Variants in CAVIN3 observed in about 807,000 individuals in gnomAD.
CAVIN3 encodes caveolae-associated protein 3.
Under a neutral mutation model 8.2 loss-of-function variants are expected in CAVIN3, and 11 were observed. The observed-to-expected ratio is 1.35, with a 90% confidence interval of 0.85 to 2.23. The LOEUF (loss-of-function observed/expected upper bound fraction) is 2.23, where lower values mean the gene tolerates loss of function less well. Among genes scored for constraint, CAVIN3 ranks in the 30% most tolerant of loss-of-function variants. The pLI is 0.00. For missense variants in CAVIN3, 401 were observed against 359.5 expected, an observed-to-expected ratio of 1.12 and a Z score of -0.93; for synonymous variants, 191 against 166.3, an observed-to-expected ratio of 1.15 and a Z score of -1.14.
chr11:6,319,978 C>G, intron 1 of CAVIN3, 115 bp downstream of exon 1: 1 of 1,156,492 alleles, frequency 8.6e-7, no homozygotes, highest in South Asian at 1.6e-5. Flanking sequence ...CAGCAACAGA[C>G]GGCGGGAGGG....
Position 6,320,136 on chromosome 11 carries a change from C to T in CAVIN3, c.341G>A (p.Gly114Glu). 1 of 1,589,016 alleles carries T rather than the reference C, an allele frequency of 6.3e-7. No individual in the cohort carries two copies. The highest frequency in any genetic ancestry group is 8.5e-7 in the Non-Finnish European group (1 of 1,175,906). The stretch of plus-strand genomic sequence containing the variant: ...GAGCTTCCCGCGCGCCACCAGCAGC[C>T]CGTGGTTGGCCTCCAGCCGCTGCAC... ...AQVQRLEANH[G>E]LLVARGKLHV... is the part of the protein sequence containing the mutation. The change falls in exon 1 of 2, where the codon GGG (glycine) becomes GAG (glutamate). Residue 114 changes from glycine to glutamate, a missense_variant. Physicochemically the swap from Gly to Glu is moderately conservative, Grantham distance 98 (BLOSUM62 -2). Coordinates refer to ENST00000303927, the MANE Select transcript of CAVIN3 (RefSeq NM_145040.3).
Position 6,320,357 on chromosome 11 carries a change from C to T in CAVIN3, c.120G>A (p.Arg40=), listed in dbSNP as rs1212644703. Residue 40 remains arginine, a synonymous_variant, in exon 1 of 2, where the codon CGG becomes CGA. Transcript: ENST00000303927. ...EKLASMLETL[R]ERQGGLARRQ... The stretch of plus-strand genomic sequence containing the variant: ...TTCGAGCCAGGCCTCCCTGCCGCTC[C>T]CGCAGAGTCTCCAGCATGGAGGCCA... The T allele has an allele frequency of 6.3e-6, 10 of 1,583,726 alleles. No individual in the cohort carries two copies. In the Admixed American group the frequency reaches 1.6e-4, roughly 25 times the overall value.
At position 6,320,206 on chromosome 11, in the gene CAVIN3, G is replaced by T; in HGVS notation, c.271C>A (p.His91Asn). 1 of 1,564,564 alleles carries T rather than the reference G, an allele frequency of 6.4e-7. No homozygotes were observed. Among genetic ancestry groups the T allele is most frequent in the Middle Eastern group, 1.7e-4 (1 of 5,872 alleles). The change falls in exon 1 of 2, where the codon CAC becomes AAC. Residue 91 changes from histidine to asparagine, a missense_variant. Coordinates refer to ENST00000303927, the MANE Select transcript of CAVIN3 (RefSeq NM_145040.3). Reference sequence around the variant, plus strand: ...GCGCGCTCTTGGGCGGCGTTGGCGTGCGAGCTCACGCGCTCCGCCTTGGCC... The same window carrying T: ...GCGCGCTCTTGGGCGGCGTTGGCGTTCGAGCTCACGCGCTCCGCCTTGGCC... The part of the protein sequence containing the change: ...LLAKAERVSS[H>N]ANAAQERAVR...
chr11:6,319,064 A>G lies in CAVIN3; in HGVS notation c.*99T>C. On this transcript the variant is annotated 3_prime_UTR_variant, in exon 2 of 2. Transcript: ENST00000303927. ...AGGGCCAGAGCGCCCGCCTTGGTGG[A>G]TGTAGGATTCGCTCCTTATTAGGGC... 7.7e-7 allele frequency: 1 copy of G among 1,293,986 alleles called. No individual in the cohort carries two copies. The highest frequency in any genetic ancestry group is 1.0e-6 in the Non-Finnish European group (1 of 956,180). The allele number at this position is 1,293,986 out of a possible 1,614,324, so 80.2% of individuals were successfully genotyped here.
At position 6,320,378 on chromosome 11, in the gene CAVIN3, G is replaced by A; in HGVS notation, c.99C>T (p.Ala33=). 6.3e-7 allele frequency: 1 copy of A among 1,586,462 alleles called. No individual in the cohort carries two copies. The highest frequency in any genetic ancestry group is 1.3e-5 in the African/African-American group (1 of 74,348). ...GCTCCCGCAGAGTCTCCAGCATGGAGGCCAGCTTCTCCAGCAGGGTCACCA... is the reference window on the plus strand; with the variant it reads ...GCTCCCGCAGAGTCTCCAGCATGGAAGCCAGCTTCTCCAGCAGGGTCACCA... ...VTVVTLLEKL[A]SMLETLRERQ... Residue 33 remains alanine, a synonymous_variant, in exon 1 of 2, where the codon GCC becomes GCT. Coordinates refer to ENST00000303927, the MANE Select transcript of CAVIN3 (RefSeq NM_145040.3).
At position 6,320,145 on chromosome 11, in the gene CAVIN3, G is replaced by A. The variant is rs1590696104; in HGVS notation, c.332C>T (p.Ala111Val). ...RRAAQVQRLE[A>V]NHGLLVARGK... is the part of the protein sequence containing the mutation. ...GCGCGCCACCAGCAGCCCGTGGTTGGCCTCCAGCCGCTGCACCTGGGCTGC... is the reference window on the plus strand; with the variant it reads ...GCGCGCCACCAGCAGCCCGTGGTTGACCTCCAGCCGCTGCACCTGGGCTGC... Residue 111 changes from alanine to valine, a missense_variant, in exon 1 of 2, where the codon GCC becomes GTC. Transcript: ENST00000303927. 6.3e-7 allele frequency: 1 copy of A among 1,585,784 alleles called. No individual in the cohort carries two copies. Among genetic ancestry groups the A allele is most frequent in the Non-Finnish European group, 8.5e-7 (1 of 1,174,552 alleles).
At position 6,319,579 on chromosome 11, in the gene CAVIN3, C is replaced by G; in HGVS notation, c.385-15G>C. The G allele has an allele frequency of 6.4e-7, 1 of 1,558,782 alleles. No individual in the cohort carries two copies. On this transcript the variant is annotated splice_polypyrimidine_tract_variant and intron_variant, in intron 1 of 1. Coordinates refer to ENST00000303927, the MANE Select transcript of CAVIN3 (RefSeq NM_145040.3). Reference sequence around the variant, plus strand: ...TCACCCTCCTCCTGCATGTGACGGACACAGCACTGATCCTGGCAGCTCCTT... The same window carrying G: ...TCACCCTCCTCCTGCATGTGACGGAGACAGCACTGATCCTGGCAGCTCCTT...
At chr11:6,319,673 T>TG (rs1846787265) in intron 1 of CAVIN3, 109 bp from the exon 2 acceptor site, 4 of 1,373,684 alleles carry the variant, frequency 2.9e-6, no homozygotes, top group Non-Finnish European at 3.0e-6. Flanking sequence ...AGCCAGAGTC[T>TG]GGGGGGAAAG....
At position 6,319,491 on chromosome 11, in the gene CAVIN3, AGCTCGG is replaced by A; in HGVS notation, c.452_457del (p.Ser151_Glu152del). Reference sequence around the variant, plus strand: ...TTCGGCCTCCAGCTGCTCTGGGCCCAGCTCGGACTGGTCCGCCGGGCCCAAGGGCTC... The same window carrying A: ...TTCGGCCTCCAGCTGCTCTGGGCCCAACTGGTCCGCCGGGCCCAAGGGCTC... On this transcript the variant is annotated inframe_deletion, in exon 2 of 2. Transcript: ENST00000303927. 6.2e-7 allele frequency: 1 copy of A among 1,603,462 alleles called. No individual in the cohort carries two copies. The highest frequency in any genetic ancestry group is 8.5e-7 in the Non-Finnish European group (1 of 1,177,830).
intron 1 of CAVIN3, 38 bp downstream of exon 1, chr11:6,320,055 C>T (rs1050495243): frequency 6.5e-7 from 1 of 1,540,370 alleles, no homozygotes; most frequent in Middle Eastern, 1.7e-4. Flanking sequence ...CACAGGCCGG[C>T]AAAGGCCTCG....
chr11:6,319,057 T>G lies in CAVIN3; in HGVS notation c.*106A>C, dbSNP rs552723925. Reference sequence around the variant, plus strand: ...GGAAGGGAGGGCCAGAGCGCCCGCCTTGGTGGATGTAGGATTCGCTCCTTA... The same window carrying G: ...GGAAGGGAGGGCCAGAGCGCCCGCCGTGGTGGATGTAGGATTCGCTCCTTA... On this transcript the variant is annotated 3_prime_UTR_variant, in exon 2 of 2. Transcript: ENST00000303927. 67 of 1,236,232 alleles carry G rather than the reference T, an allele frequency of 5.4e-5. No homozygotes were observed. The African/African-American group carries it at 9.3e-4, about 17-fold the overall frequency. The allele number at this position is 1,236,232 out of a possible 1,614,324, so 76.6% of individuals were successfully genotyped here. A position where few individuals can be genotyped will look rare whatever the true frequency, so the allele number is the denominator to read the frequency against.
At chr11:6,319,668 G>A in intron 1 of CAVIN3, 104 bp from the exon 2 acceptor site, 3 of 1,371,402 alleles carry the variant, frequency 2.2e-6, no homozygotes, top group Non-Finnish European at 3.0e-6. Flanking sequence ...TCCGCAGCCA[G>A]AGTCTGGGGG....
chr11:6,319,675 G>T (rs954129971), intron 1 of CAVIN3, 111 bp from the exon 2 acceptor site: 1 of 1,348,092 alleles, frequency 7.4e-7, no homozygotes, highest in Admixed American at 2.0e-5. Flanking sequence ...CCAGAGTCTG[G>T]GGGGAAAGGC....
In CAVIN3 at chr11:6,319,579, C is replaced by T; in HGVS notation, c.385-15G>A. ...TCACCCTCCTCCTGCATGTGACGGA[C>T]ACAGCACTGATCCTGGCAGCTCCTT... On this transcript the variant is annotated splice_polypyrimidine_tract_variant and intron_variant, in intron 1 of 1. Transcript: ENST00000303927. 6.4e-7 allele frequency: 1 copy of T among 1,558,782 alleles called. No homozygotes were observed. Among genetic ancestry groups the T allele is most frequent in the South Asian group, 1.2e-5 (1 of 86,206 alleles).
chr11:6,320,477 G>T lies in CAVIN3; in HGVS notation c.-1C>A. 1 of 1,513,546 alleles carries T rather than the reference G, an allele frequency of 6.6e-7. No individual in the cohort carries two copies. The highest frequency in any genetic ancestry group is 1.4e-5 in the African/African-American group (1 of 70,592). The allele number at this position is 1,513,546 out of a possible 1,614,324, so 93.8% of individuals were successfully genotyped here. On this transcript the variant is annotated 5_prime_UTR_variant, in exon 1 of 2. Coordinates refer to ENST00000303927, the MANE Select transcript of CAVIN3 (RefSeq NM_145040.3). ...CCCGCTCCAACGCACTCTCCCTCAT[G>T]ATCCCTGACCGCTCTGCTCCGTCTG... is the stretch of plus-strand genomic sequence containing the variant.
chr11:6,320,037 TG>T, intron 1 of CAVIN3, 55 bp downstream of exon 1: 1 of 1,511,638 alleles, frequency 6.6e-7, no homozygotes, highest in Non-Finnish European at 8.8e-7. Context: ...AGCCCCCAGC[TG>T]GTGGCCCACA....
rs1256666817 is a variant in CAVIN3 at position 6,320,176 on chromosome 11, G to C, written c.301C>G (p.Arg101Gly). 6.4e-7 allele frequency: 1 copy of C among 1,571,284 alleles called. No homozygotes were observed. Among genetic ancestry groups the C allele is most frequent in the South Asian group, 1.1e-5 (1 of 87,666 alleles). ...AGCCGCTGCACCTGGGCTGCGCGGC[G>C]CACCGCGCGCTCTTGGGCGGCGTTG... ...HANAAQERAVRRAAQVQRLEA... is the reference protein window; with the variant it reads ...HANAAQERAVGRAAQVQRLEA... Residue 101 changes from arginine (R) to glycine (G), a missense_variant, in exon 1 of 2, where the codon CGC becomes GGC. Coordinates refer to ENST00000303927, the MANE Select transcript of CAVIN3 (RefSeq NM_145040.3).
chr11:6,320,411 G>T lies in CAVIN3; in HGVS notation c.66C>A (p.Ala22=). 1 of 1,566,078 alleles carries T rather than the reference G, an allele frequency of 6.4e-7. No individual in the cohort carries two copies. Reference sequence around the variant, plus strand: ...TCTCCAGCAGGGTCACCACCGTCACGGCGTGCACGGGACCCCCCGCCGGCG... The same window carrying T: ...TCTCCAGCAGGGTCACCACCGTCACTGCGTGCACGGGACCCCCCGCCGGCG... ...PEAPAGGPVH[A]VTVVTLLEKL... The change falls in exon 1 of 2, where the codon GCC becomes GCA. Residue 22 remains alanine, a synonymous_variant. Transcript: ENST00000303927.
chr11:6,320,130 A>G lies in CAVIN3; in HGVS notation c.347T>C (p.Leu116Pro), dbSNP rs779584797. The G allele has an allele frequency of 3.8e-6, 6 of 1,590,244 alleles. No individual in the cohort carries two copies. The highest frequency in any genetic ancestry group is 4.3e-6 in the Non-Finnish European group (5 of 1,176,444). Residue 116 changes from leucine to proline, a missense_variant, in exon 1 of 2, where the codon CTG (leucine) becomes CCG (proline). Coordinates refer to ENST00000303927, the MANE Select transcript of CAVIN3 (RefSeq NM_145040.3). ...AACGTGGAGCTTCCCGCGCGCCACC[A>G]GCAGCCCGTGGTTGGCCTCCAGCCG... ...VQRLEANHGL[L>P]VARGKLHVLL...
Sources: allele counts gnomAD v4.1 joint callset, GRCh38; gene constraint gnomAD v4.1.1; transcripts MANE v1.5; gene names NCBI Gene and HGNC (gene_info 2026-07-23, HGNC 2026-07-21).